The following SRRM3 variants were observed in gnomAD, a reference collection of about 807,000 sequenced individuals.
The protein encoded by SRRM3 is serine/arginine repetitive matrix 3, also known as serine/arginine repetitive matrix protein 3.
A neutral mutation model predicts 66.2 loss-of-function variants in SRRM3; 27 were observed. That is an observed-to-expected ratio of 0.41 (90% CI 0.30 to 0.56). The LOEUF (loss-of-function observed/expected upper bound fraction) is 0.56. Ranked by LOEUF, SRRM3 falls within the 20% of genes least tolerant of loss-of-function variation. SRRM3 has a pLI of 0.32. For missense variants in SRRM3, 918 were observed against 991.9 expected (o/e 0.93, Z 1.00); for synonymous variants, 391 against 414.9 (o/e 0.94, Z 0.70).
chr7:76,206,140 T>A (rs1004614228), intron 1 of SRRM3, among the ~76,000 whole-genome samples: 2 of 152,140 alleles, frequency 1.3e-5, no homozygotes, highest in Non-Finnish European at 2.9e-5. Flanking sequence ...CCCGAATAGC[T>A]AGGACTGCAG....
chr7:76,233,047 A>T (rs144151199), intron 1 of SRRM3, among the ~76,000 whole-genome samples: 7 of 152,250 alleles, frequency 4.6e-5, no homozygotes, highest in African/African-American at 9.6e-5. Flanking sequence ...TCACGCCTGT[A>T]ATCTCAGTAC....
intron 8 of SRRM3, among the ~76,000 whole-genome samples, chr7:76,262,949 C>T (rs1293010378): frequency 6.6e-6 from 1 of 152,144 alleles, no homozygotes; most frequent in African/African-American, 2.4e-5. Flanking sequence ...AGCCAGACCC[C>T]CTTCCAGCAG....
chr7:76,234,541 T>C (rs1209088130), intron 1 of SRRM3, among the ~76,000 whole-genome samples: 1 of 152,130 alleles, frequency 6.6e-6, no homozygotes, highest in African/African-American at 2.4e-5. Flanking sequence ...AGGGCTGCCC[T>C]GGGAGCAGAC....
chr7:76,260,974 C>A lies in SRRM3; in HGVS notation c.575+71C>A, dbSNP rs1468013704. ...TGGGTGGGAGAGATTCCAAGGCCAT[C>A]CCCCAGAGGCCGGAGGCCTGGACCC... is the stretch of plus-strand genomic sequence containing the variant. On this transcript the variant is annotated intron_variant, in intron 6 of 14. Coordinates refer to ENST00000611745, the MANE Select transcript of SRRM3 (RefSeq NM_001110199.3). The A allele has an allele frequency of 3.4e-6, 5 of 1,490,980 alleles. No individual in the cohort carries two copies. The Admixed American group carries it at 6.1e-5, about 18-fold the overall frequency. 92.4% of individuals were successfully genotyped at this position (1,490,980 alleles called of 1,614,324 possible). A position where few individuals can be genotyped will look rare whatever the true frequency, so the allele number is the denominator to read the frequency against.
chr7:76,235,289 G>A lies in SRRM3; in HGVS notation c.223G>A (p.Glu75Lys), dbSNP rs1801116030. The A allele has an allele frequency of 1.0e-5, 16 of 1,524,954 alleles. No individual in the cohort carries two copies. The highest frequency in any genetic ancestry group is 1.4e-5 in the Non-Finnish European group (16 of 1,141,816). The allele number at this position is 1,524,954 out of a possible 1,614,324, so 94.5% of individuals were successfully genotyped here. A position where few individuals can be genotyped will look rare whatever the true frequency, so the allele number is the denominator to read the frequency against. Residue 75 changes from glutamate to lysine, a missense_variant, in exon 2 of 15, where the codon GAG becomes AAG. Transcript: ENST00000611745. ...LKCMELQEMM[E>K]EQGYSEEEIR... ...GTGCATGGAGCTGCAGGAGATGATG[G>A]AGGAGCAGGGGTGAGCAGGCCGCGG...
At chr7:76,280,312 T>C (rs1802459941) in intron 11 of SRRM3, among the ~76,000 whole-genome samples, 1 of 152,128 alleles carries the variant, frequency 6.6e-6, no homozygotes, top group African/African-American at 2.4e-5. Context: ...TTTTTTTATT[T>C]CTGTTTTTCC....
At chr7:76,258,954 G>T (rs1433962537) in intron 3 of SRRM3, among the ~76,000 whole-genome samples, 1 of 151,818 alleles carries the variant, frequency 6.6e-6, no homozygotes, top group Non-Finnish European at 1.5e-5. Flanking sequence ...TGAGGCAGGA[G>T]AATCACTTGA....
intron 11 of SRRM3, among the ~76,000 whole-genome samples, chr7:76,274,527 G>T (rs569319727): frequency 1.7e-4 from 26 of 152,338 alleles, no homozygotes; most frequent in African/African-American, 6.3e-4. Flanking sequence ...ATCCAACTCA[G>T]ACAGGGGCTC....
intron 2 of SRRM3, among the ~76,000 whole-genome samples, chr7:76,239,209 T>C (rs183053695): frequency 4.1e-3 from 626 of 150,964 alleles, no homozygotes; most frequent in African/African-American, 0.015. Flanking sequence ...ATTCTTTGTA[T>C]TTTTAGTAGA....
chr7:76,269,752 CTTTCT>C (rs1158468454), intron 11 of SRRM3: 3 of 99,934 alleles, frequency 3.0e-5, no homozygotes, highest in African/African-American at 1.1e-4. Context: ...TTTCCTTTTC[CTTTCT>C]TTTTTTTTTT....
intron 1 of SRRM3, among the ~76,000 whole-genome samples, chr7:76,231,578 T>G (rs1563615778): frequency 6.6e-6 from 1 of 152,226 alleles, no homozygotes; most frequent in Non-Finnish European, 1.5e-5. Flanking sequence ...CTTCGCGCTC[T>G]CTCCACACCT....
At chr7:76,218,482 G>A (rs1554602870) in intron 1 of SRRM3, among the ~76,000 whole-genome samples, 1 of 151,966 alleles carries the variant, frequency 6.6e-6, no homozygotes, top group African/African-American at 2.4e-5. Flanking sequence ...GCTCTTGGTG[G>A]CAAGGCTTCA....
chr7:76,253,630 A>T lies in SRRM3; in HGVS notation c.335+5341A>T, dbSNP rs1017212914. Reference sequence around the variant, plus strand: ...AGCGACACTCCGTCTCAAAAAAATTAAAAAAATAAAATAAAAATAAAAATA... The same window carrying T: ...AGCGACACTCCGTCTCAAAAAAATTTAAAAAATAAAATAAAAATAAAAATA... On this transcript the variant is annotated intron_variant, in intron 3 of 14. Coordinates refer to ENST00000611745, the MANE Select transcript of SRRM3 (RefSeq NM_001110199.3). Among the ~76,000 whole-genome samples the T allele has an allele frequency of 2.0e-4, 30 of 151,444 alleles. No homozygotes were observed. In the East Asian group the frequency reaches 4.1e-3, roughly 21 times the overall value.
chr7:76,282,789 G>A lies in SRRM3; in HGVS notation c.1512G>A (p.Ser504=). ...CCCGCTCCTGGAGCTCCAGCCGCTC[G>A]CCCTCCAAATCTCGCTCGCGCTCTG... The part of the protein sequence containing the change: ...PHPRSWSSSR[S]PSKSRSRSAE... Residue 504 remains serine (S), a synonymous_variant, in exon 13 of 15, where the codon TCG becomes TCA. Transcript: ENST00000611745. The A allele has an allele frequency of 1.4e-6, 2 of 1,466,154 alleles. No homozygotes were observed. The highest frequency in any genetic ancestry group is 1.3e-5 in the South Asian group (1 of 77,508). The allele number at this position is 1,466,154 out of a possible 1,614,324, so 90.8% of individuals were successfully genotyped here.
At position 76,213,872 on chromosome 7, in the gene SRRM3, C is replaced by T. The variant is rs782303105; in HGVS notation, c.-40+11805C>T. On this transcript the variant is annotated intron_variant, in intron 1 of 14. Transcript: ENST00000611745. ...GCAGCCTCGAACTCCCAGGCTTAAG[C>T]GATCCTCCTGCCTCAGCCTCCCAAG... Among the ~76,000 whole-genome samples, 6 of 151,956 alleles carry T rather than the reference C, an allele frequency of 3.9e-5. No homozygotes were observed. In the East Asian group the frequency reaches 7.7e-4, roughly 20 times the overall value.
At chr7:76,251,479 A>G (rs1272890719) in intron 3 of SRRM3, among the ~76,000 whole-genome samples, 3 of 150,328 alleles carry the variant, frequency 2.0e-5, no homozygotes, top group African/African-American at 7.4e-5. Context: ...GGTTCACGCC[A>G]TTCTCCTGCC....
chr7:76,243,294 T>A (rs1226338663), intron 2 of SRRM3, among the ~76,000 whole-genome samples: 3 of 152,174 alleles, frequency 2.0e-5, no homozygotes, highest in Non-Finnish European at 4.4e-5. Context: ...CCGTCATCAC[T>A]GTCCCAAGTG....
At chr7:76,238,850 C>T (rs929072766) in intron 2 of SRRM3, among the ~76,000 whole-genome samples, 14 of 151,754 alleles carry the variant, frequency 9.2e-5, no homozygotes, top group Admixed American at 3.9e-4. Context: ...TTAGTAGAGA[C>T]GGGGTTTCAC....
At chr7:76,253,774 T>C (rs67387111) in intron 3 of SRRM3, among the ~76,000 whole-genome samples, 54,969 of 132,946 alleles carry the variant, frequency 0.41, 12,811 homozygotes, top group African/African-American at 0.66. Flanking sequence ...GCAACAAGAG[T>C]GAAACTCTGT....
Sources: allele counts gnomAD v4.1 joint callset (sites outside exome capture counted in the v4.1 genomes callset), GRCh38; gene constraint gnomAD v4.1.1; transcripts MANE v1.5; gene names NCBI Gene and HGNC (gene_info 2026-07-23, HGNC 2026-07-21).